Variants in KDM4C observed in about 807,000 individuals in gnomAD.
KDM4C encodes the protein lysine demethylase 4C, also known as lysine-specific demethylase 4C.
A neutral mutation model predicts 129.3 loss-of-function variants in KDM4C; 81 were observed. The observed-to-expected ratio is 0.63, with a 90% CI of 0.52 to 0.75. The LOEUF (loss-of-function observed/expected upper bound fraction) is 0.75. Ranked by LOEUF, KDM4C falls within the 30% of genes least tolerant of loss-of-function variation. The pLI is 0.00. For synonymous variants in KDM4C, 573 were observed against 456.1 expected (o/e 1.26, Z -3.26); for missense variants, 1,457 against 1,304.0 (o/e 1.12, Z -1.81).
At chr9:7,148,201 C>T (rs755178416) in intron 19 of KDM4C, among the ~76,000 whole-genome samples, 6 of 152,238 alleles carry the variant, frequency 3.9e-5, no homozygotes, top group Non-Finnish European at 7.3e-5. Context: ...AGCTTGGAGA[C>T]GCCAGGAAGT....
At chr9:6,788,696 C>T (rs1022640022) in intron 1 of KDM4C, among the ~76,000 whole-genome samples, 10 of 152,086 alleles carry the variant, frequency 6.6e-5, no homozygotes, top group Non-Finnish European at 1.0e-4. Context: ...AAAGAGGTGG[C>T]GAGCCGGCAT....
intron 2 of KDM4C, among the ~76,000 whole-genome samples, chr9:6,803,788 C>T (rs1829458351): frequency 6.6e-6 from 1 of 151,358 alleles, no homozygotes; most frequent in Non-Finnish European, 1.5e-5. Context: ...AGCAATAGAT[C>T]ATGAATTGCT....
At chr9:6,801,394 C>T (rs1349865777) in intron 2 of KDM4C, among the ~76,000 whole-genome samples, 3 of 151,420 alleles carry the variant, frequency 2.0e-5, no homozygotes, top group Admixed American at 1.3e-4. Flanking sequence ...CCACCATGCC[C>T]GGCTAATTTT....
At chr9:7,034,121 A>T (rs1827235464) in intron 15 of KDM4C, among the ~76,000 whole-genome samples, 1 of 151,974 alleles carries the variant, frequency 6.6e-6, no homozygotes, top group Non-Finnish European at 1.5e-5. Flanking sequence ...TTCATGGGGT[A>T]CACAGTGGTG....
rs142419414 is a variant in KDM4C, at chr9:6,793,115, C to T, written c.127C>T (p.Arg43Cys). ...LAYMESKGAHRAGLAKVIPPK... is the reference protein window; with the variant it reads ...LAYMESKGAHCAGLAKVIPPK... ...ATACATGGAGTCTAAAGGAGCCCAT[C>T]GTGCGGGTCTTGCAAAGGTGATTAT... Residue 43 changes from arginine (R) to cysteine (C), a missense_variant, in exon 2 of 22, where the codon CGT becomes TGT. Coordinates refer to ENST00000381309, the MANE Select transcript of KDM4C (RefSeq NM_015061.6). 1.4e-5 allele frequency: 22 copies of T among 1,613,800 alleles called. No homozygotes were observed. Among genetic ancestry groups the T allele is most frequent in the Admixed American group, 1.7e-5 (1 of 59,974 alleles).
chr9:7,123,852 T>A (rs575843592), intron 18 of KDM4C, among the ~76,000 whole-genome samples: 1 of 152,228 alleles, frequency 6.6e-6, no homozygotes, highest in African/African-American at 2.4e-5. Context: ...GGTGCCTGGA[T>A]TGTTTTCCTG....
chr9:6,744,402 G>A (rs1192398522), intron 1 of KDM4C, among the ~76,000 whole-genome samples: 1 of 152,100 alleles, frequency 6.6e-6, no homozygotes, highest in Non-Finnish European at 1.5e-5. Flanking sequence ...GCGTGCGCCT[G>A]TAATCCCAGC....
At chr9:7,142,853 C>G (rs1048014296) in intron 19 of KDM4C, among the ~76,000 whole-genome samples, 1 of 150,136 alleles carries the variant, frequency 6.7e-6, no homozygotes, top group Non-Finnish European at 1.5e-5. Flanking sequence ...CTCATACAGG[C>G]TGTGTGTGTG....
chr9:6,778,207 A>G (rs1472476703), intron 1 of KDM4C, among the ~76,000 whole-genome samples: 2 of 150,772 alleles, frequency 1.3e-5, no homozygotes, highest in Non-Finnish European at 2.9e-5. Flanking sequence ...CTCCTGCCTC[A>G]ACCTTCTGAG....
At chr9:6,862,839 C>T (rs748396306) in intron 5 of KDM4C, among the ~76,000 whole-genome samples, 11 of 149,102 alleles carry the variant, frequency 7.4e-5, no homozygotes, top group Non-Finnish European at 1.5e-4. Flanking sequence ...AACAAACAAA[C>T]AAAAAACAAA....
At chr9:7,171,464 T>C (rs1330448772) in intron 21 of KDM4C, among the ~76,000 whole-genome samples, 1 of 152,124 alleles carries the variant, frequency 6.6e-6, no homozygotes, top group Non-Finnish European at 1.5e-5. Flanking sequence ...ACTCCCCTCT[T>C]CCCTGCCTTA....
intron 8 of KDM4C, among the ~76,000 whole-genome samples, chr9:6,971,916 G>A (rs1181330937): frequency 6.6e-6 from 1 of 152,028 alleles, no homozygotes; most frequent in East Asian, 1.9e-4. Context: ...TACTCTAGTG[G>A]GCTAGCCATC....
At chr9:7,076,644 C>A (rs956467989) in intron 17 of KDM4C, 13 of 1,325,322 alleles carry the variant, frequency 9.8e-6, no homozygotes, top group African/African-American at 6.0e-5. Context: ...CCTGGACTTT[C>A]CCTTTTGTAT....
intron 17 of KDM4C, among the ~76,000 whole-genome samples, chr9:7,055,206 A>G (rs979417754): frequency 6.6e-6 from 1 of 152,178 alleles, no homozygotes; most frequent in African/African-American, 2.4e-5. Flanking sequence ...AAAATTTGGC[A>G]TTGTTCATGG....
intron 2 of KDM4C, among the ~76,000 whole-genome samples, chr9:6,803,818 A>G (rs1405693249): frequency 6.6e-6 from 1 of 151,156 alleles, no homozygotes; most frequent in African/African-American, 2.4e-5. Flanking sequence ...TGTACGTTCT[A>G]TTTTAATTTA....
chr9:6,834,072 T>C (rs1027625767), intron 4 of KDM4C, among the ~76,000 whole-genome samples: 1 of 107,568 alleles, frequency 9.3e-6, no homozygotes, highest in African/African-American at 3.8e-5. Flanking sequence ...ATAGTCTTGC[T>C]CTGTCACCTA....
At chr9:6,944,405 G>T (rs1292329754) in intron 8 of KDM4C, among the ~76,000 whole-genome samples, 1 of 152,076 alleles carries the variant, frequency 6.6e-6, no homozygotes, top group African/African-American at 2.4e-5. Flanking sequence ...AATAGTTTGA[G>T]TACATTGTTC....
intron 8 of KDM4C, among the ~76,000 whole-genome samples, chr9:6,915,328 G>C (rs1025084092): frequency 1.3e-5 from 2 of 152,114 alleles, no homozygotes; most frequent in African/African-American, 4.8e-5. Context: ...AGGGGTTTAG[G>C]GGGTTGCATA....
chr9:6,754,662 C>A (rs769308457), upstream of KDM4C, among the ~76,000 whole-genome samples: 2 of 151,928 alleles, frequency 1.3e-5, no homozygotes, highest in Non-Finnish European at 2.9e-5. Context: ...ATCATTTGAG[C>A]CCAGGAGTTT....
Sources: gnomAD v4.1 joint callset for allele counts (sites outside exome capture counted in the v4.1 genomes callset) on GRCh38, gnomAD v4.1.1 for gene constraint, MANE v1.5 for transcripts, NCBI Gene and HGNC (gene_info 2026-07-23, HGNC 2026-07-21) for gene names.